The following ROCK2 variants were observed in gnomAD, a reference collection of about 807,000 sequenced individuals.
ROCK2 encodes the protein Rho associated coiled-coil containing protein kinase 2.
A neutral mutation model predicts 195.1 loss-of-function variants in ROCK2; 61 were observed. The ratio of observed to expected loss-of-function variants is 0.31; its 90% CI spans 0.25 to 0.39. ROCK2 has a LOEUF of 0.39. Ranked by LOEUF, ROCK2 falls within the 10% of genes least tolerant of loss-of-function variation. The pLI is 1.00. For synonymous variants in ROCK2, 504 were observed against 545.5 expected (o/e 0.92, Z 1.06); for missense variants, 1,109 against 1,637.4 (o/e 0.68, Z 5.57).
intron 4 of ROCK2, among the ~76,000 whole-genome samples, chr2:11,238,165 A>G (rs541715888): frequency 2.0e-5 from 3 of 148,708 alleles, no homozygotes; most frequent in Non-Finnish European, 3.0e-5. Flanking sequence ...AAGAGAAGGA[A>G]GAAATAGGAA....
intron 4 of ROCK2, among the ~76,000 whole-genome samples, chr2:11,241,046 G>A (rs1283052518): frequency 6.6e-6 from 1 of 152,034 alleles, no homozygotes; most frequent in Admixed American, 6.6e-5. Flanking sequence ...ATTTATAAGA[G>A]AGAAAAACTG....
chr2:11,313,491 T>C (rs1399762180), intron 1 of ROCK2, among the ~76,000 whole-genome samples: 1 of 152,102 alleles, frequency 6.6e-6, no homozygotes, highest in Non-Finnish European at 1.5e-5. Context: ...GTCGTTTGCA[T>C]TTCTTTGGTG....
chr2:11,335,872 T>G (rs1668912341), intron 1 of ROCK2, among the ~76,000 whole-genome samples: 1 of 152,162 alleles, frequency 6.6e-6, no homozygotes, highest in African/African-American at 2.4e-5. Flanking sequence ...AACAGAGAAT[T>G]TCCTAAACAT....
chr2:11,261,836 G>T (rs1045272648), intron 3 of ROCK2, among the ~76,000 whole-genome samples: 6 of 152,080 alleles, frequency 3.9e-5, no homozygotes, highest in South Asian at 4.1e-4. Flanking sequence ...AATAAATAAA[G>T]AAAGAAGTAG....
chr2:11,201,487 C>A lies in ROCK2; in HGVS notation c.2620-74G>T. On this transcript the variant is annotated intron_variant, in intron 21 of 32. Coordinates refer to ENST00000315872, the MANE Select transcript of ROCK2 (RefSeq NM_004850.5). The surrounding 1 kb of genome is among the most constrained non-coding windows in gnomAD (Gnocchi z 4.6). The stretch of plus-strand genomic sequence containing the variant: ...CTTCTACATTCAAAAGCTATTCAGA[C>A]AAAAAGGAGAATGAACACATACAAA... 1 of 831,410 alleles carries A rather than the reference C, an allele frequency of 1.2e-6. No individual in the cohort carries two copies. The highest frequency in any genetic ancestry group is 2.1e-5 in the Admixed American group (1 of 47,656). The allele number at this position is 831,410 out of a possible 1,614,324, so 51.5% of individuals were successfully genotyped here.
intron 3 of ROCK2, among the ~76,000 whole-genome samples, chr2:11,270,452 GT>G (rs1666585868): frequency 6.6e-6 from 1 of 151,944 alleles, no homozygotes; most frequent in Non-Finnish European, 1.5e-5. Context: ...TTCTTCTGTT[GT>G]TTTTTTCTTC....
At chr2:11,322,088 A>G (rs975978864) in intron 1 of ROCK2, among the ~76,000 whole-genome samples, 2 of 152,158 alleles carry the variant, frequency 1.3e-5, no homozygotes, top group African/African-American at 2.4e-5. Flanking sequence ...GACCATCTGC[A>G]TGCCAAGGAG....
chr2:11,300,988 A>AT (rs1341149287), intron 1 of ROCK2, among the ~76,000 whole-genome samples: 1 of 152,208 alleles, frequency 6.6e-6, no homozygotes, highest in African/African-American at 2.4e-5. Flanking sequence ...AGGAAAAAAA[A>AT]CTTATGATAG....
intron 4 of ROCK2, among the ~76,000 whole-genome samples, chr2:11,242,771 T>C (rs1189512123): frequency 1.3e-5 from 2 of 152,174 alleles, no homozygotes; most frequent in Non-Finnish European, 2.9e-5. Flanking sequence ...TATCATGCCA[T>C]GTGTGTACTA....
intron 1 of ROCK2, among the ~76,000 whole-genome samples, chr2:11,297,523 T>G (rs1047416872): frequency 7.2e-5 from 11 of 152,184 alleles, no homozygotes; most frequent in Admixed American, 7.2e-4. Context: ...CATTTCACTA[T>G]TCGCCGCCTC....
Position 11,215,092 on chromosome 2 carries a change from A to C in ROCK2, c.1690-6T>G, listed in dbSNP as rs1664379496. The C allele has an allele frequency of 6.2e-7, 1 of 1,613,800 alleles. No individual in the cohort carries two copies. On this transcript the variant is annotated splice_region_variant and splice_polypyrimidine_tract_variant and intron_variant, in intron 15 of 32. Coordinates refer to ENST00000315872, the MANE Select transcript of ROCK2 (RefSeq NM_004850.5). ...AAAGCATTGGTTTCATCCAGCTGTT[A>C]TTCCATTCAAAACCAAACAACAACA...
At chr2:11,284,959 G>C (rs1260197109) in intron 3 of ROCK2, among the ~76,000 whole-genome samples, 1 of 152,096 alleles carries the variant, frequency 6.6e-6, no homozygotes, top group Non-Finnish European at 1.5e-5. Flanking sequence ...TCCCAAACAA[G>C]TCATTAAAAT....
chr2:11,263,489 T>G (rs1666304086), intron 3 of ROCK2, among the ~76,000 whole-genome samples: 1 of 151,872 alleles, frequency 6.6e-6, no homozygotes, highest in Non-Finnish European at 1.5e-5. Context: ...TGTTCCTGAC[T>G]AAGTAAGATA....
In ROCK2 at chr2:11,188,229, C is replaced by T. The variant is rs199835861; in HGVS notation, c.4163+3919G>A. 5.9e-4 allele frequency among the ~76,000 whole-genome samples: 89 copies of T among 151,612 alleles called. 1 individual carries two copies. In the East Asian group the frequency reaches 0.016, roughly 27 times the overall value. On this transcript the variant is annotated intron_variant, in intron 32 of 32. Transcript: ENST00000315872. ...GGGTTCAAGCAATTCTCTGCCTCAG[C>T]CTCCCCAGTAGCTGGGATTACAGGC... is the stretch of plus-strand genomic sequence containing the variant.
chr2:11,196,117 G>C (rs1404265075), intron 27 of ROCK2, among the ~76,000 whole-genome samples: 1 of 152,114 alleles, frequency 6.6e-6, no homozygotes, highest in Non-Finnish European at 1.5e-5. Flanking sequence ...GCACAGAACA[G>C]GAATTATTTT....
intron 4 of ROCK2, among the ~76,000 whole-genome samples, chr2:11,244,853 T>C (rs1391618937): frequency 1.3e-5 from 2 of 152,146 alleles, no homozygotes; most frequent in Non-Finnish European, 1.5e-5. Context: ...TTATATTTTA[T>C]ATAAACTGTA....
chr2:11,228,799 C>A (rs1664900012), intron 5 of ROCK2, among the ~76,000 whole-genome samples: 1 of 151,586 alleles, frequency 6.6e-6, no homozygotes, highest in Non-Finnish European at 1.5e-5. Context: ...ACACATACAA[C>A]CAAAGGAAAA....
At chr2:11,194,910 A>G in intron 28 of ROCK2, 45 bp downstream of exon 28, 1 of 1,181,896 alleles carries the variant, frequency 8.5e-7, no homozygotes, top group Non-Finnish European at 1.2e-6. Flanking sequence ...CTAGAGTTAA[A>G]ACAAAAACAA....
chr2:11,317,612 A>ATATATATATATATATATATAT, intron 1 of ROCK2, among the ~76,000 whole-genome samples: 2 of 19,310 alleles, frequency 1.0e-4, no homozygotes, highest in African/African-American at 3.2e-4. Flanking sequence ...ATATATATAT[A>ATATATATATATATATATATAT]TTTTTTTTTT....
Sources: gnomAD v4.1 joint callset for allele counts (sites outside exome capture counted in the v4.1 genomes callset) on GRCh38, gnomAD v4.1.1 for gene constraint, Gnocchi (gnomAD v3.1) non-coding constraint, MANE v1.5 for transcripts, NCBI Gene and HGNC (gene_info 2026-07-23, HGNC 2026-07-21) for gene names.